The following GPR179 variants were observed in gnomAD, a reference collection of about 807,000 sequenced individuals.
GPR179 encodes the protein probable G protein-coupled receptor 179.
In GPR179, 52 loss-of-function variants were observed where a neutral mutation model predicts 70.8. The observed-to-expected ratio is 0.73, with a 90% confidence interval of 0.59 to 0.93. The LOEUF (loss-of-function observed/expected upper bound fraction) is 0.93, where lower values mean the gene tolerates loss of function less well. Among genes scored for constraint, GPR179 ranks in the 40% least tolerant of loss-of-function variants. The pLI is 0.00. For missense variants in GPR179, 2,734 were observed against 2,966.8 expected (o/e 0.92, Z 1.82); for synonymous variants, 1,123 against 1,169.0 (o/e 0.96, Z 0.80).
Position 38,327,139 on chromosome 17 carries a change from C to T in GPR179, c.6430G>A (p.Glu2144Lys), listed in dbSNP as rs2037294935. The T allele has an allele frequency of 1.2e-6, 2 of 1,614,250 alleles. No individual in the cohort carries two copies. Among genetic ancestry groups the T allele is most frequent in the Non-Finnish European group, 1.7e-6 (2 of 1,180,048 alleles). The part of the protein sequence containing the change: ...EAGGGAAEEG[E>K]QERESQGQGE... ...TGCCCTTGTGATTCTCTTTCCTGTT[C>T]CCCTTCCTCTGCTGCTCCTCCACCC... Residue 2144 changes from glutamate to lysine, a missense_variant, in exon 11 of 11, where the codon GAA becomes AAA. Glu to Lys is a moderately conservative substitution (Grantham distance 56). Transcript: ENST00000616987.
chr17:38,334,026 A>T lies in GPR179; in HGVS notation c.1797T>A (p.Val599=), dbSNP rs1225694262. The change falls in exon 9 of 11, where the codon GTT becomes GTA. Residue 599 remains valine (V), a synonymous_variant. Transcript: ENST00000616987. The surrounding 1 kb of genome is among the most constrained non-coding windows in gnomAD (Gnocchi z 4.7). ...AAFHTARFVL[V]PSLHPDWTLL... ...GGGTCCAGTCCGGGTGCAGAGAGGG[A>T]ACCAGCACAAACCTGGGGCGGGATA... The T allele has an allele frequency of 6.2e-7, 1 of 1,613,204 alleles. No individual in the cohort carries two copies. Among genetic ancestry groups the T allele is most frequent in the Non-Finnish European group, 8.5e-7 (1 of 1,179,322 alleles).
chr17:38,327,774 T>C lies in GPR179; in HGVS notation c.5795A>G (p.Glu1932Gly), dbSNP rs779028952. 16 of 1,614,196 alleles carry C rather than the reference T, an allele frequency of 9.9e-6. No individual in the cohort carries two copies. The highest frequency in any genetic ancestry group is 1.4e-5 in the Non-Finnish European group (16 of 1,180,030). ...TTCTGTGTCTGCAGCTGGAGCTTTT[T>C]CTTGGGTTATGTGTTCTGGGAAGGA... ...TGSFPEHITQ[E>G]KAPAADTEEF... The change falls in exon 11 of 11, where the codon GAA (glutamate) becomes GGA (glycine). Residue 1932 changes from glutamate to glycine, a missense_variant. Glu to Gly is a moderately conservative substitution (Grantham distance 98). Coordinates refer to ENST00000616987, the MANE Select transcript of GPR179 (RefSeq NM_001004334.4).
At position 38,334,722 on chromosome 17, in the gene GPR179, G is replaced by A; in HGVS notation, c.1766C>T (p.Ala589Val). ...TCCTCACCTGGCTGTGTGGAAGGCA[G>A]CGGAAAGCAGTAGCTCATTGTGCAG... ...IALHNELLLSAAFHTARFVLV... is the reference protein window; with the variant it reads ...IALHNELLLSVAFHTARFVLV... Residue 589 changes from alanine (A) to valine (V), a missense_variant, in exon 8 of 11, where the codon GCT (alanine) becomes GTT (valine). Transcript: ENST00000616987. The surrounding 1 kb of genome is among the most constrained non-coding windows in gnomAD (Gnocchi z 4.7). 2 of 1,613,850 alleles carry A rather than the reference G, an allele frequency of 1.2e-6. No homozygotes were observed. Among genetic ancestry groups the A allele is most frequent in the Non-Finnish European group, 1.7e-6 (2 of 1,179,978 alleles).
rs373508796 is a variant in GPR179, at chr17:38,327,202, G to T, written c.6367C>A (p.Pro2123Thr). The T allele has an allele frequency of 6.2e-7, 1 of 1,614,174 alleles. No homozygotes were observed. Among genetic ancestry groups the T allele is most frequent in the East Asian group, 2.2e-5 (1 of 44,878 alleles). The change falls in exon 11 of 11, where the codon CCC becomes ACC. Residue 2123 changes from proline (P) to threonine (T), a missense_variant. Pro to Thr is a conservative substitution (Grantham distance 38, BLOSUM62 -1). Coordinates refer to ENST00000616987, the MANE Select transcript of GPR179 (RefSeq NM_001004334.4). ...CAGATCTCTGCTTTCTTGGCAGAGG[G>T]AGCCTCTACCACTTCCCACAGACAC... ...EVCLWEVVEA[P>T]SAKKAEICPW...
At position 38,335,070 on chromosome 17, in the gene GPR179, G is replaced by A. The variant is rs1294303944; in HGVS notation, c.1608C>T (p.Leu536=). 2 of 1,613,644 alleles carry A rather than the reference G, an allele frequency of 1.2e-6. No homozygotes were observed. Among genetic ancestry groups the A allele is most frequent in the East Asian group, 2.2e-5 (1 of 44,888 alleles). ...GHTPSGRHFY[L]CHHDRWDYIM... ...TGTAGTCCCAGCGGTCGTGGTGACA[G>A]AGGTAGAAATGGCGGCCACTGGGAG... The change falls in exon 7 of 11, where the codon CTC becomes CTT. Residue 536 remains leucine, a synonymous_variant. Coordinates refer to ENST00000616987, the MANE Select transcript of GPR179 (RefSeq NM_001004334.4).
At position 38,326,270 on chromosome 17, in the gene GPR179, G is replaced by T. The variant is rs377419908; in HGVS notation, c.*195C>A. The stretch of plus-strand genomic sequence containing the variant: ...GAAGAAAAGTTAGAAGTAAAGAGAG[G>T]GTGGGCCTTCCCATTGGGGTCTAAG... On this transcript the variant is annotated 3_prime_UTR_variant, in exon 11 of 11. Transcript: ENST00000616987. 24 of 531,910 alleles carry T rather than the reference G, an allele frequency of 4.5e-5. No individual in the cohort carries two copies. Among genetic ancestry groups the T allele is most frequent in the African/African-American group, 4.0e-4 (21 of 52,978 alleles). The allele number at this position is 531,910 out of a possible 1,614,324, so 32.9% of individuals were successfully genotyped here. A position where few individuals can be genotyped will look rare whatever the true frequency, so the allele number is the denominator to read the frequency against.
intron 1 of GPR179, among the ~76,000 whole-genome samples, chr17:38,342,785 C>T (rs1339489042): frequency 6.6e-6 from 1 of 152,270 alleles, no homozygotes; most frequent in African/African-American, 2.4e-5. Flanking sequence ...GATTTATACA[C>T]ATGTACACTC....
Position 38,327,637 on chromosome 17 carries a change from C to T in GPR179, c.5932G>A (p.Asp1978Asn). 1 of 1,614,204 alleles carries T rather than the reference C, an allele frequency of 6.2e-7. No individual in the cohort carries two copies. Among genetic ancestry groups the T allele is most frequent in the Non-Finnish European group, 8.5e-7 (1 of 1,180,036 alleles). ...CTCTGGGAGCTAGCTTTAGGTTGGT[C>T]AGGGCGCTGTCTGTCTAGGTGAGAG... ...SVSHLDRQRP[D>N]QPKASSQRLV... is the part of the protein sequence containing the mutation. Residue 1978 changes from aspartate to asparagine, a missense_variant, in exon 11 of 11, where the codon GAC becomes AAC. Physicochemically the swap from Asp to Asn is conservative, Grantham distance 23 (BLOSUM62 1). Coordinates refer to ENST00000616987, the MANE Select transcript of GPR179 (RefSeq NM_001004334.4).
rs2144283306 is a variant in GPR179 at position 38,343,535 on chromosome 17, T to C, written c.255A>G (p.Ala85=). Residue 85 remains alanine, a synonymous_variant, in exon 1 of 11, where the codon GCA becomes GCG. Transcript: ENST00000616987. This position sits in a 1 kb window ranked among gnomAD's most constrained non-coding sequence, Gnocchi z 4.2. The stretch of plus-strand genomic sequence containing the variant: ...TTGGGGGGAGCCCTGGCATGGCTCC[T>C]GCCCCACGCGCTTCATAGCGCTCAC... The part of the protein sequence containing the change: ...NCSERYEARG[A]GAMPGLPPSL... 6.2e-7 allele frequency: 1 copy of C among 1,613,772 alleles called. No individual in the cohort carries two copies. Among genetic ancestry groups the C allele is most frequent in the East Asian group, 2.2e-5 (1 of 44,876 alleles).
intron 1 of GPR179, among the ~76,000 whole-genome samples, chr17:38,342,427 G>C (rs985976802): frequency 1.3e-5 from 2 of 151,746 alleles, no homozygotes; most frequent in African/African-American, 2.4e-5. Flanking sequence ...TCTGCCTCTG[G>C]GGTTCAGGTT....
chr17:38,335,529 A>G, intron 6 of GPR179, 62 bp downstream of exon 6: 1 of 1,227,386 alleles, frequency 8.1e-7, no homozygotes, highest in Non-Finnish European at 1.2e-6. Flanking sequence ...ACACCATTCC[A>G]TGAGTGAGCT....
chr17:38,327,864 A>G lies in GPR179; in HGVS notation c.5705T>C (p.Val1902Ala). 3 of 1,614,094 alleles carry G rather than the reference A, an allele frequency of 1.9e-6. No individual in the cohort carries two copies. The highest frequency in any genetic ancestry group is 1.1e-5 in the South Asian group (1 of 91,074). The stretch of plus-strand genomic sequence containing the variant: ...TGCTTCCAAGGAATGTCCCTCTGCC[A>G]CTTCACTACTCATGCTGCTGGGCAA... The part of the protein sequence containing the change: ...SDLPSSMSSE[V>A]AEGHSLEATE... Residue 1902 changes from valine (V) to alanine (A), a missense_variant, in exon 11 of 11, where the codon GTG becomes GCG. By Grantham distance (64) the Val-to-Ala change is moderately conservative (BLOSUM62 0). Coordinates refer to ENST00000616987, the MANE Select transcript of GPR179 (RefSeq NM_001004334.4).
At position 38,331,438 on chromosome 17, in the gene GPR179, A is replaced by C; in HGVS notation, c.2131T>G (p.Ser711Ala). Residue 711 changes from serine (S) to alanine (A), a missense_variant, in exon 11 of 11, where the codon TCA becomes GCA. Coordinates refer to ENST00000616987, the MANE Select transcript of GPR179 (RefSeq NM_001004334.4). The stretch of plus-strand genomic sequence containing the variant: ...AAGGAGCGGCCCAGTCCCTGGCATG[A>C]GCTGCCTCGCTTCTTGGGCAGGTGG... ...NPHLPKKRGS[S>A]CQGLGRSFMR... is the part of the protein sequence containing the mutation. 6.2e-7 allele frequency: 1 copy of C among 1,614,120 alleles called. No individual in the cohort carries two copies. Among genetic ancestry groups the C allele is most frequent in the South Asian group, 1.1e-5 (1 of 91,088 alleles).
At chr17:38,341,533 T>A (rs1210719281) in intron 1 of GPR179, among the ~76,000 whole-genome samples, 1 of 152,214 alleles carries the variant, frequency 6.6e-6, no homozygotes, top group Non-Finnish European at 1.5e-5. Flanking sequence ...CCAGGCTGCC[T>A]GCTGGCAGGA....
chr17:38,333,170 C>A, intron 10 of GPR179, 81 bp downstream of exon 10: 1 of 1,326,668 alleles, frequency 7.5e-7, no homozygotes, highest in Non-Finnish European at 1.1e-6. Flanking sequence ...TGGCACATAG[C>A]CCAGGTGGCA....
chr17:38,337,085 C>T lies in GPR179; in HGVS notation c.1120G>A (p.Val374Met), dbSNP rs1243576280. ...GCCCGCAGCACCGCGGCCTCTTCCA[C>T]CAGGCACGGTGTGGCATCCATGCAG... ...TSCMDATPCL[V>M]EEAAVLRAAV... Residue 374 changes from valine (V) to methionine (M), a missense_variant, in exon 4 of 11, where the codon GTG becomes ATG. Physicochemically the swap from Val to Met is conservative, Grantham distance 21. Coordinates refer to ENST00000616987, the MANE Select transcript of GPR179 (RefSeq NM_001004334.4). 4.3e-6 allele frequency: 7 copies of T among 1,610,400 alleles called. No homozygotes were observed. The highest frequency in any genetic ancestry group is 5.1e-6 in the Non-Finnish European group (6 of 1,178,814).
At position 38,327,319 on chromosome 17, in the gene GPR179, C is replaced by G. The variant is rs762194875; in HGVS notation, c.6250G>C (p.Gly2084Arg). ...TCTGGGGCTGGCTGTGGGGACAGAC[C>G]CTTGCCATCTTGACTCTCCCAGGGA... ...VCPWESQDGK[G>R]LSPQPAPDAS... The change falls in exon 11 of 11, where the codon GGT becomes CGT. Residue 2084 changes from glycine (G) to arginine (R), a missense_variant. Transcript: ENST00000616987. 3.7e-6 allele frequency: 6 copies of G among 1,614,220 alleles called. No individual in the cohort carries two copies. The South Asian group carries it at 6.6e-5, about 18-fold the overall frequency.
chr17:38,337,075 G>A lies in GPR179; in HGVS notation c.1130C>T (p.Ala377Val). The stretch of plus-strand genomic sequence containing the variant: ...CAGCACAGCGGCCCGCAGCACCGCG[G>A]CCTCTTCCACCAGGCACGGTGTGGC... The part of the protein sequence containing the change: ...MDATPCLVEE[A>V]AVLRAAVLAC... The change falls in exon 4 of 11, where the codon GCC becomes GTC. Residue 377 changes from alanine to valine, a missense_variant. Physicochemically the swap from Ala to Val is moderately conservative, Grantham distance 64. Coordinates refer to ENST00000616987, the MANE Select transcript of GPR179 (RefSeq NM_001004334.4). 1 of 1,609,356 alleles carries A rather than the reference G, an allele frequency of 6.2e-7. No homozygotes were observed. Among genetic ancestry groups the A allele is most frequent in the Non-Finnish European group, 8.5e-7 (1 of 1,178,440 alleles).
In GPR179 at chr17:38,339,548, A is replaced by AG. The variant is rs764343277; in HGVS notation, c.795-24dup. On this transcript the variant is annotated intron_variant, in intron 1 of 10. Transcript: ENST00000616987. ...CCCCTACGGCAGTGAATTGGCAATT[A>AG]GGGGCACAGTGATTGATGCCAAAGT... is the stretch of plus-strand genomic sequence containing the variant. 33 of 1,545,886 alleles carry AG rather than the reference A, an allele frequency of 2.1e-5. No individual in the cohort carries two copies. In the South Asian group the frequency reaches 3.5e-4, roughly 16 times the overall value.
Sources: gnomAD v4.1 joint callset for allele counts (sites outside exome capture counted in the v4.1 genomes callset) on GRCh38, gnomAD v4.1.1 for gene constraint, Gnocchi (gnomAD v3.1) non-coding constraint, MANE v1.5 for transcripts, NCBI Gene and HGNC (gene_info 2026-07-23, HGNC 2026-07-21) for gene names.